SLC25A33: variants seen among roughly 807,000 people sequenced by gnomAD.
SLC25A33 encodes the protein bone marrow stromal cell mitochondrial carrier protein.
SLC25A33 carries 15 observed loss-of-function variants against 35.5 expected under a neutral mutation model. The observed-to-expected ratio is 0.42, with a 90% confidence interval of 0.28 to 0.65. SLC25A33 has a LOEUF of 0.65. Among genes scored for constraint, SLC25A33 ranks in the 30% least tolerant of loss-of-function variants. The pLI, the probability that SLC25A33 is intolerant of heterozygous loss-of-function variation, is 0.20. For synonymous variants in SLC25A33, 136 were observed against 148.7 expected (o/e 0.91, Z 0.62); for missense variants, 257 against 398.5 (o/e 0.64, Z 3.02).
intron 2 of SLC25A33, among the ~76,000 whole-genome samples, chr1:9,564,938 A>G (rs1263693472): frequency 6.6e-6 from 1 of 151,470 alleles, no homozygotes; most frequent in Non-Finnish European, 1.5e-5. Context: ...AAGGAATAAA[A>G]TAAAAAGAAG....
intron 1 of SLC25A33, among the ~76,000 whole-genome samples, chr1:9,542,213 C>T (rs12027750): frequency 0.029 from 4,409 of 152,218 alleles, 103 homozygotes; most frequent in South Asian, 0.049. Flanking sequence ...GAATCTCCCT[C>T]TGTACCCTTC....
At chr1:9,567,066 A>G (rs1440593496) in intron 2 of SLC25A33, among the ~76,000 whole-genome samples, 1 of 152,078 alleles carries the variant, frequency 6.6e-6, no homozygotes, top group Non-Finnish European at 1.5e-5. Context: ...AAATATGTCT[A>G]ACTGATGCTT....
intron 1 of SLC25A33, among the ~76,000 whole-genome samples, chr1:9,541,027 T>C (rs961076913): frequency 6.6e-6 from 1 of 152,104 alleles, no homozygotes; most frequent in Non-Finnish European, 1.5e-5. Context: ...TCGCCCAGGC[T>C]GGAGTGCAGT....
chr1:9,559,150 G>C (rs1025100450), intron 2 of SLC25A33, among the ~76,000 whole-genome samples: 1 of 152,074 alleles, frequency 6.6e-6, no homozygotes, highest in Non-Finnish European at 1.5e-5. Context: ...CAAACTCTCC[G>C]CAACACTCCA....
chr1:9,580,590 G>T (rs922719464), intron 6 of SLC25A33, among the ~76,000 whole-genome samples: 6 of 152,152 alleles, frequency 3.9e-5, no homozygotes, highest in African/African-American at 1.2e-4. Context: ...GGGCACGGTG[G>T]CTCACGCCTG....
intron 6 of SLC25A33, among the ~76,000 whole-genome samples, chr1:9,581,791 C>A (rs1643748290): frequency 6.6e-6 from 1 of 151,754 alleles, no homozygotes; most frequent in African/African-American, 2.4e-5. Context: ...CATAGTTGAC[C>A]AAATCCTAGA....
intron 5 of SLC25A33, among the ~76,000 whole-genome samples, chr1:9,579,096 C>G (rs1643701571): frequency 6.6e-6 from 1 of 152,184 alleles, no homozygotes; most frequent in Non-Finnish European, 1.5e-5. Context: ...GACAACAGTA[C>G]AAAGATATGT....
At chr1:9,566,553 C>T (rs1267160300) in intron 2 of SLC25A33, among the ~76,000 whole-genome samples, 1 of 152,144 alleles carries the variant, frequency 6.6e-6, no homozygotes, top group East Asian at 1.9e-4. Context: ...TGCACAGCTT[C>T]CTCCTGTGTT....
rs1569886951 is a variant in SLC25A33 at position 9,584,196 on chromosome 1, A to G, written c.*1695A>G. On this transcript the variant is annotated 3_prime_UTR_variant, in exon 7 of 7. Coordinates refer to ENST00000302692, the MANE Select transcript of SLC25A33 (RefSeq NM_032315.3). The stretch of plus-strand genomic sequence containing the variant: ...AGATACTCATTTCTAATACCTATGC[A>G]CTGTAGTTTCAGGTTTACTTGCAGA... The G allele has an allele frequency of 6.6e-6, 1 of 152,182 alleles. No homozygotes were observed. The highest frequency in any genetic ancestry group is 1.5e-5 in the Non-Finnish European group (1 of 68,030). The allele number at this position is 152,182 out of a possible 1,614,324, so 9.4% of individuals were successfully genotyped here. A position where few individuals can be genotyped will look rare whatever the true frequency, so the allele number is the denominator to read the frequency against.
intron 2 of SLC25A33, among the ~76,000 whole-genome samples, chr1:9,562,158 G>T (rs1339025849): frequency 6.6e-6 from 1 of 151,834 alleles, no homozygotes; most frequent in Non-Finnish European, 1.5e-5. Context: ...GACCAGCCTG[G>T]CCAACATGGT....
rs1262048241 is a variant in SLC25A33 at position 9,584,097 on chromosome 1, T to C, written c.*1596T>C. ...AGAAGAAGGCAAGTAAAACCCCTAGTCTTCCATTAGCTCTTTCACTGGAAT... is the reference window on the plus strand; with the variant it reads ...AGAAGAAGGCAAGTAAAACCCCTAGCCTTCCATTAGCTCTTTCACTGGAAT... On this transcript the variant is annotated 3_prime_UTR_variant, in exon 7 of 7. Coordinates refer to ENST00000302692, the MANE Select transcript of SLC25A33 (RefSeq NM_032315.3). 6.6e-6 allele frequency: 1 copy of C among 152,076 alleles called. No individual in the cohort carries two copies. Among genetic ancestry groups the C allele is most frequent in the Non-Finnish European group, 1.5e-5 (1 of 68,022 alleles). The allele number at this position is 152,076 out of a possible 1,614,324, so 9.4% of individuals were successfully genotyped here.
Position 9,570,286 on chromosome 1 carries a change from G to A in SLC25A33, c.343G>A (p.Ala115Thr), listed in dbSNP as rs753327403. ...TGTATACTTTGCATGTTACTCCAAA[G>A]CCAAAGAGCAATTTAATGGCATTTT... is the stretch of plus-strand genomic sequence containing the variant. ...RAVYFACYSK[A>T]KEQFNGIFVP... Residue 115 changes from alanine to threonine, a missense_variant, in exon 4 of 7, where the codon GCC (alanine) becomes ACC (threonine). Coordinates refer to ENST00000302692, the MANE Select transcript of SLC25A33 (RefSeq NM_032315.3). 14 of 1,613,900 alleles carry A rather than the reference G, an allele frequency of 8.7e-6. No individual in the cohort carries two copies. Among genetic ancestry groups the A allele is most frequent in the Non-Finnish European group, 1.2e-5 (14 of 1,180,002 alleles).
intron 3 of SLC25A33, 90 bp from the exon 4 acceptor site, chr1:9,570,168 T>A: frequency 8.3e-7 from 1 of 1,201,562 alleles, no homozygotes; most frequent in Non-Finnish European, 1.2e-6. Context: ...CTTTCCCATT[T>A]TATTTTCCGA....
At chr1:9,545,296 A>G (rs1467831737) in intron 1 of SLC25A33, among the ~76,000 whole-genome samples, 4 of 152,070 alleles carry the variant, frequency 2.6e-5, no homozygotes, top group South Asian at 4.1e-4. Flanking sequence ...GCTCTCTGCA[A>G]CTTCTGCCTC....
At chr1:9,563,369 TAGG>T (rs1173716410) in intron 2 of SLC25A33, among the ~76,000 whole-genome samples, 1 of 152,180 alleles carries the variant, frequency 6.6e-6, no homozygotes, top group Non-Finnish European at 1.5e-5. Flanking sequence ...ATCCAAAAAT[TAGG>T]AGAAGAGAAG....
intron 2 of SLC25A33, 131 bp from the exon 3 acceptor site, chr1:9,567,153 G>T: frequency 1.3e-6 from 1 of 744,794 alleles, no homozygotes. Flanking sequence ...AACCAAATCA[G>T]ATAAGAGTCG....
chr1:9,576,771 A>G (rs1387322802), intron 5 of SLC25A33: 4 of 1,131,092 alleles, frequency 3.5e-6, no homozygotes, highest in South Asian at 1.2e-5. Context: ...TCTTGGATGA[A>G]AAATACACCC....
intron 1 of SLC25A33, among the ~76,000 whole-genome samples, chr1:9,548,556 T>G (rs1364342952): frequency 6.6e-6 from 1 of 152,212 alleles, no homozygotes; most frequent in Non-Finnish European, 1.5e-5. Flanking sequence ...CACTCCAGCC[T>G]GGGTGACAGA....
At chr1:9,560,454 C>T (rs1280603631) in intron 2 of SLC25A33, among the ~76,000 whole-genome samples, 2 of 151,564 alleles carry the variant, frequency 1.3e-5, no homozygotes, top group East Asian at 3.9e-4. Context: ...ATCCCGGCTA[C>T]TCGGGAGGTT....
Sources: allele counts gnomAD v4.1 joint callset (sites outside exome capture counted in the v4.1 genomes callset), GRCh38; gene constraint gnomAD v4.1.1; transcripts MANE v1.5; gene names NCBI Gene and HGNC (gene_info 2026-07-23, HGNC 2026-07-21).